NR3C1: variants seen among roughly 807,000 people sequenced by gnomAD.
NR3C1 encodes the protein glucocorticoid receptor.
In NR3C1, 14 loss-of-function variants were observed where a neutral mutation model predicts 74.0. That is an observed-to-expected ratio of 0.19 (90% CI 0.12 to 0.30). NR3C1 has a LOEUF of 0.30. NR3C1 is among the 10% of genes least tolerant of loss of function. NR3C1 has a pLI of 1.00. For synonymous variants in NR3C1, 308 were observed against 332.5 expected, an observed-to-expected ratio of 0.93 and a Z score of 0.80; for missense variants, 695 against 909.8, an observed-to-expected ratio of 0.76 and a Z score of 3.04.
chr5:143,395,073 A>C (rs923713365), intron 2 of NR3C1, among the ~76,000 whole-genome samples: 1 of 151,954 alleles, frequency 6.6e-6, no homozygotes. Context: ...ACTGCAATAA[A>C]ATTCTATTTC....
chr5:143,355,811 A>G (rs1272660091), intron 2 of NR3C1, among the ~76,000 whole-genome samples: 1 of 152,240 alleles, frequency 6.6e-6, no homozygotes, highest in African/African-American at 2.4e-5. Flanking sequence ...GAAATACTTA[A>G]TAATTAGTAC....
chr5:143,323,080 A>T (rs1483589753), intron 2 of NR3C1, among the ~76,000 whole-genome samples: 1 of 152,226 alleles, frequency 6.6e-6, no homozygotes, highest in African/African-American at 2.4e-5. Flanking sequence ...ATAATTAATA[A>T]GTTTTAAATT....
chr5:143,389,000 CATTT>C (rs1837757175), intron 2 of NR3C1, among the ~76,000 whole-genome samples: 1 of 152,190 alleles, frequency 6.6e-6, no homozygotes, highest in African/African-American at 2.4e-5. Flanking sequence ...TCTTTTCTTT[CATTT>C]GTTTCAGACT....
intron 2 of NR3C1, among the ~76,000 whole-genome samples, chr5:143,353,337 TC>T (rs1830539502): frequency 6.6e-6 from 1 of 152,220 alleles, no homozygotes; most frequent in African/African-American, 2.4e-5. Flanking sequence ...CTAATGTTGA[TC>T]CTTTGACCTC....
intron 2 of NR3C1, among the ~76,000 whole-genome samples, chr5:143,314,649 A>C (rs1438030032): frequency 6.6e-6 from 1 of 152,124 alleles, no homozygotes; most frequent in Non-Finnish European, 1.5e-5. Context: ...CCTAATTTTA[A>C]GATCTTATAC....
At chr5:143,325,684 T>C (rs777143493) in intron 2 of NR3C1, among the ~76,000 whole-genome samples, 17 of 152,336 alleles carry the variant, frequency 1.1e-4, no homozygotes, top group Non-Finnish European at 2.1e-4. Context: ...ACCATAGGTA[T>C]GTATGTATAG....
chr5:143,340,511 C>T (rs1827995718), intron 2 of NR3C1, among the ~76,000 whole-genome samples: 1 of 115,206 alleles, frequency 8.7e-6, no homozygotes, highest in African/African-American at 3.4e-5. Flanking sequence ...GAGACAGAGT[C>T]TCGCTCTGTC....
intron 2 of NR3C1, among the ~76,000 whole-genome samples, chr5:143,326,616 T>C (rs1360669556): frequency 6.6e-6 from 1 of 152,192 alleles, no homozygotes; most frequent in Non-Finnish European, 1.5e-5. Context: ...AAGTACATTG[T>C]TATATGTCTG....
At chr5:143,311,951 G>A (rs1418253613) in intron 3 of NR3C1, among the ~76,000 whole-genome samples, 2 of 115,660 alleles carry the variant, frequency 1.7e-5, no homozygotes, top group East Asian at 1.9e-4. Context: ...GAGCCACAGT[G>A]CCCAGCCCAT....
intron 2 of NR3C1, among the ~76,000 whole-genome samples, chr5:143,355,292 A>G (rs1830933194): frequency 6.6e-6 from 1 of 152,134 alleles, no homozygotes; most frequent in African/African-American, 2.4e-5. Flanking sequence ...CAGATACCCA[A>G]CCCCAAAATT....
intron 2 of NR3C1, among the ~76,000 whole-genome samples, chr5:143,360,795 T>A (rs952356174): frequency 1.3e-5 from 2 of 152,184 alleles, no homozygotes; most frequent in African/African-American, 4.8e-5. Flanking sequence ...ATGACTGATA[T>A]ATCAACAGTA....
intron 2 of NR3C1, among the ~76,000 whole-genome samples, chr5:143,329,293 A>G (rs1024228905): frequency 6.6e-6 from 1 of 152,218 alleles, no homozygotes; most frequent in Non-Finnish European, 1.5e-5. Context: ...TCACGAGAAC[A>G]GCATGGAGGA....
chr5:143,411,191 A>G (rs1841280651), intron 1 of NR3C1, among the ~76,000 whole-genome samples: 2 of 152,182 alleles, frequency 1.3e-5, no homozygotes, highest in Admixed American at 6.5e-5. Flanking sequence ...GAAATCAACC[A>G]TGGTGGAGTA....
chr5:143,390,406 G>C (rs966267720), intron 2 of NR3C1, among the ~76,000 whole-genome samples: 1 of 152,122 alleles, frequency 6.6e-6, no homozygotes, highest in Admixed American at 6.5e-5. Flanking sequence ...GTATGAATGA[G>C]AAATTAAACT....
chr5:143,368,790 T>A (rs1001829594), intron 2 of NR3C1, among the ~76,000 whole-genome samples: 1 of 152,188 alleles, frequency 6.6e-6, no homozygotes, highest in Non-Finnish European at 1.5e-5. Context: ...TACGTGAGAC[T>A]GTGTAATTTA....
At chr5:143,383,130 G>A (rs755781848) in intron 2 of NR3C1, among the ~76,000 whole-genome samples, 2 of 152,246 alleles carry the variant, frequency 1.3e-5, no homozygotes, top group African/African-American at 2.4e-5. Flanking sequence ...TGTCTTGAAT[G>A]TAACACCCAT....
chr5:143,380,448 C>T (rs893294577), intron 2 of NR3C1, among the ~76,000 whole-genome samples: 7 of 152,048 alleles, frequency 4.6e-5, no homozygotes, highest in South Asian at 2.1e-4. Context: ...AGTATTATGA[C>T]GTTCAAAGTG....
intron 6 of NR3C1, 95 bp downstream of exon 6, chr5:143,298,573 A>G: frequency 7.5e-7 from 1 of 1,339,396 alleles, no homozygotes; most frequent in Non-Finnish European, 1.1e-6. Context: ...GGATTGTTTC[A>G]GTCCTGAATT....
intron 2 of NR3C1, among the ~76,000 whole-genome samples, chr5:143,398,349 T>A (rs1238202456): frequency 1.7e-5 from 2 of 117,374 alleles, no homozygotes; most frequent in African/African-American, 2.9e-5. Context: ...AGAACCAAGG[T>A]TTTTTGGTTT....
Sources: gnomAD v4.1 joint callset for allele counts (sites outside exome capture counted in the v4.1 genomes callset) on GRCh38, gnomAD v4.1.1 for gene constraint, MANE v1.5 for transcripts, NCBI Gene and HGNC (gene_info 2026-07-23, HGNC 2026-07-21) for gene names.